ZDHHC24: variants seen among roughly 807,000 people sequenced by gnomAD.
ZDHHC24 encodes the protein probable palmitoyltransferase ZDHHC24.
In ZDHHC24, 17 loss-of-function variants were observed where a neutral mutation model predicts 23.2. The ratio of observed to expected loss-of-function variants is 0.73; its 90% CI spans 0.50 to 1.10. ZDHHC24 has a LOEUF of 1.10. ZDHHC24 is among the 50% of genes least tolerant of loss of function. The probability of loss-of-function intolerance (pLI) is 0.00; values close to 1 mark genes in which losing one functional copy is unlikely to be tolerated. For missense variants in ZDHHC24, 366 were observed against 393.0 expected, an observed-to-expected ratio of 0.93 and a Z score of 0.58; for synonymous variants, 186 against 194.5, an observed-to-expected ratio of 0.96 and a Z score of 0.36.
At chr11:66,524,637 C>T (rs1244540650) in intron 4 of ZDHHC24, among the ~76,000 whole-genome samples, 1 of 152,180 alleles carries the variant, frequency 6.6e-6, no homozygotes, top group Non-Finnish European at 1.5e-5. Context: ...AGTATGAAGG[C>T]TCTTGATTAA....
intron 2 of ZDHHC24, chr11:66,530,058 C>G: frequency 6.7e-7 from 1 of 1,481,656 alleles, no homozygotes; most frequent in Non-Finnish European, 9.1e-7. Context: ...TCCAAGCCAA[C>G]TCAGCCCGTG....
intron 4 of ZDHHC24, chr11:66,526,080 C>G: frequency 6.2e-7 from 1 of 1,600,630 alleles, no homozygotes; most frequent in Non-Finnish European, 8.6e-7. Context: ...TTGCTTTCCT[C>G]TCCAAGATAT....
In ZDHHC24 at chr11:66,521,311, C is replaced by T. The variant is rs754291103; in HGVS notation, c.*177G>A. ...TCCCCGTCTTCCTAGAGGTTTCTGG[C>T]CAGTTTGATGTTGAGTTCCGGCTTG... On this transcript the variant is annotated 3_prime_UTR_variant, in exon 5 of 5. Transcript: ENST00000526986. 1 of 1,614,172 alleles carries T rather than the reference C, an allele frequency of 6.2e-7. No homozygotes were observed. Among genetic ancestry groups the T allele is most frequent in the African/African-American group, 1.3e-5 (1 of 75,044 alleles).
chr11:66,526,700 G>T, intron 4 of ZDHHC24: 1 of 1,614,234 alleles, frequency 6.2e-7, no homozygotes, highest in Non-Finnish European at 8.5e-7. Context: ...TTTGTAGAGG[G>T]AGGAAGTGAG....
intron 2 of ZDHHC24, among the ~76,000 whole-genome samples, chr11:66,541,599 A>AG (rs1565297094): frequency 7.5e-6 from 1 of 133,230 alleles, no homozygotes; most frequent in African/African-American, 2.8e-5. Context: ...GTGTAGAGTG[A>AG]GGGGGGAATG....
In ZDHHC24 at chr11:66,540,427, C is replaced by CAA. The variant is rs1184182591; in HGVS notation, c.560-605_560-604dup. ...GGGCAACATAGCGAGACTCCCATCT[C>CAA]AAAAAAAAAAAAAAAAAAAAGGCCG... On this transcript the variant is annotated intron_variant, in intron 2 of 2. Coordinates refer to ENST00000310442, the MANE Select transcript of ZDHHC24 (RefSeq NM_207340.3). Among the ~76,000 whole-genome samples the CAA allele has an allele frequency of 2.5e-3, 130 of 52,352 alleles. 2 individuals carry two copies. The highest frequency in any genetic ancestry group is 5.3e-3 in the South Asian group (7 of 1,312). The allele number at this position is 52,352 out of a possible 152,430, so 34.3% of individuals were successfully genotyped here.
intron 4 of ZDHHC24, chr11:66,524,236 A>C: frequency 2.8e-6 from 1 of 363,262 alleles, no homozygotes; most frequent in Non-Finnish European, 5.4e-6. Context: ...GCCAAGATCA[A>C]ACCATGGCAC....
At chr11:66,525,253 G>T (rs974984976) in intron 4 of ZDHHC24, among the ~76,000 whole-genome samples, 1 of 150,808 alleles carries the variant, frequency 6.6e-6, no homozygotes, top group Non-Finnish European at 1.5e-5. Context: ...CAGCTACTTG[G>T]GAGGCTGAGG....
At chr11:66,527,086 T>C (rs1034322231) in intron 3 of ZDHHC24, 1 of 1,464,024 alleles carries the variant, frequency 6.8e-7, no homozygotes, top group Non-Finnish European at 9.2e-7. Context: ...ATGAGGAAAG[T>C]AGAATTTTGA....
intron 1 of ZDHHC24, 46 bp from the exon 2 acceptor site, chr11:66,544,027 C>T (rs942984989): frequency 1.3e-6 from 2 of 1,599,212 alleles, no homozygotes; most frequent in African/African-American, 2.7e-5. Context: ...AGCTCAGATG[C>T]CCCATATTGT....
In ZDHHC24 at chr11:66,523,810, C is replaced by A; in HGVS notation, c.*22-2344G>T. The A allele has an allele frequency of 6.2e-7, 1 of 1,613,638 alleles. No homozygotes were observed. Among genetic ancestry groups the A allele is most frequent in the Non-Finnish European group, 8.5e-7 (1 of 1,180,030 alleles). On this transcript the variant is annotated intron_variant, in intron 4 of 4. Transcript: ENST00000526986. Reference sequence around the variant, plus strand: ...AGCATTCCCGGGGCCTGCAGGCCGTCATGGCTGGGCTGGCCAATGGAGAGG... The same window carrying A: ...AGCATTCCCGGGGCCTGCAGGCCGTAATGGCTGGGCTGGCCAATGGAGAGG...
intron 2 of ZDHHC24, among the ~76,000 whole-genome samples, chr11:66,543,330 C>T (rs1311079392): frequency 1.3e-5 from 2 of 152,116 alleles, no homozygotes; most frequent in Non-Finnish European, 2.9e-5. Context: ...CCAGGCCTCC[C>T]CTACCAATCT....
In ZDHHC24 at chr11:66,529,956, A is replaced by G. The variant is rs1486200900; in HGVS notation, c.560-468T>C. 3 of 1,599,310 alleles carry G rather than the reference A, an allele frequency of 1.9e-6. No individual in the cohort carries two copies. Among genetic ancestry groups the G allele is most frequent in the Non-Finnish European group, 2.5e-6 (3 of 1,178,302 alleles). On this transcript the variant is annotated intron_variant, in intron 2 of 4. Transcript: ENST00000526986. ...GCCACTCAAGCTGCACGCCGTGGTGAGCATCTGGGTGAGGGCAGAGTCAGG... is the reference window on the plus strand; with the variant it reads ...GCCACTCAAGCTGCACGCCGTGGTGGGCATCTGGGTGAGGGCAGAGTCAGG...
chr11:66,545,734 G>C lies in ZDHHC24; in HGVS notation c.270C>G (p.Gly90=). The C allele has an allele frequency of 6.4e-7, 1 of 1,574,082 alleles. No individual in the cohort carries two copies. Among genetic ancestry groups the C allele is most frequent in the South Asian group, 1.2e-5 (1 of 86,168 alleles). ...RGVMLAGRGL[G]QGWAYCYQCQ... ...CGCACCCCACTCACGCCCAGCCCTG[G>C]CCCAGACCGCGGCCGGCCAGCATCA... Residue 90 remains glycine (G), a synonymous_variant, in exon 1 of 3, where the codon GGC becomes GGG. Transcript: ENST00000310442. This position sits in a 1 kb window ranked among gnomAD's most constrained non-coding sequence, Gnocchi z 4.5.
chr11:66,526,829 T>A, intron 4 of ZDHHC24: 1 of 1,614,164 alleles, frequency 6.2e-7, no homozygotes, highest in South Asian at 1.1e-5. Context: ...ACTGGGTCCT[T>A]TCCCTTCTTC....
chr11:66,525,987 A>G, intron 4 of ZDHHC24: 1 of 745,276 alleles, frequency 1.3e-6, no homozygotes, highest in South Asian at 1.5e-5. Context: ...TATAGGAAAT[A>G]TTTCAGAGGC....
At position 66,542,293 on chromosome 11, in the gene ZDHHC24, A is replaced by G. The variant is rs1205642044; in HGVS notation, c.559+1411T>C. On this transcript the variant is annotated intron_variant, in intron 2 of 2. Transcript: ENST00000310442. The stretch of plus-strand genomic sequence containing the variant: ...TGGCATCAACCTGCCACAGACTGCC[A>G]ATGCCTCTGGCTCTCAGCAGCCAGA... Among the ~76,000 whole-genome samples, 3 of 152,260 alleles carry G rather than the reference A, an allele frequency of 2.0e-5. No homozygotes were observed. In the East Asian group the frequency reaches 5.8e-4, roughly 30 times the overall value.
chr11:66,531,850 A>G (rs1396780592), downstream of ZDHHC24: 1 of 1,602,668 alleles, frequency 6.2e-7, no homozygotes, highest in Non-Finnish European at 8.5e-7. Flanking sequence ...GGGTGGGGGT[A>G]TCTGCACAGT....
chr11:66,529,465 G>C, exon 3 of ZDHHC24: 1 of 767,320 alleles, frequency 1.3e-6, no homozygotes, highest in Non-Finnish European at 2.3e-6. Context: ...GTGGTGGTCA[G>C]AGCTGTGGCA....
Sources: gnomAD v4.1 joint callset for allele counts (sites outside exome capture counted in the v4.1 genomes callset) on GRCh38, gnomAD v4.1.1 for gene constraint, Gnocchi (gnomAD v3.1) non-coding constraint, MANE v1.5 for transcripts, NCBI Gene and HGNC (gene_info 2026-07-23, HGNC 2026-07-21) for gene names.